Variants in CHORDC1 observed in about 807,000 individuals in gnomAD.
The protein encoded by CHORDC1 is cysteine and histidine rich domain containing 1, also known as cysteine and histidine-rich domain-containing protein 1.
CHORDC1 carries 25 observed loss-of-function variants against 48.3 expected under a neutral mutation model. That is an observed-to-expected ratio of 0.52 (90% CI 0.38 to 0.72). The LOEUF is 0.72. Ranked by LOEUF, CHORDC1 falls within the 30% of genes least tolerant of loss-of-function variation. The probability of loss-of-function intolerance (pLI) is 0.00; values close to 1 mark genes in which losing one functional copy is unlikely to be tolerated. For missense variants in CHORDC1, 317 were observed against 388.7 expected, an observed-to-expected ratio of 0.82 and a Z score of 1.55; for synonymous variants, 128 against 126.4, an observed-to-expected ratio of 1.01 and a Z score of -0.09.
chr11:90,215,703 T>C (rs10765278), intron 2 of CHORDC1, among the ~76,000 whole-genome samples: 70,799 of 151,788 alleles, frequency 0.47, 17,118 homozygotes, highest in East Asian at 0.61. Context: ...ACACAGCAGC[T>C]AAAGCACTAT....
chr11:90,205,428 C>A (rs773703809), intron 8 of CHORDC1, 32 bp downstream of exon 8: 1 of 1,145,590 alleles, frequency 8.7e-7, no homozygotes, highest in South Asian at 1.3e-5. Context: ...TGAATATAAA[C>A]CCAGTGTGCT....
chr11:90,215,410 T>TA (rs1857983075), intron 2 of CHORDC1, among the ~76,000 whole-genome samples, 180 bp from the exon 3 acceptor site: 1 of 152,062 alleles, frequency 6.6e-6, no homozygotes, highest in South Asian at 2.1e-4. Context: ...CTTTGATTTT[T>TA]AAAAAGCCAA....
At chr11:90,216,719 A>G (rs1858021802) in intron 2 of CHORDC1, among the ~76,000 whole-genome samples, 1 of 152,206 alleles carries the variant, frequency 6.6e-6, no homozygotes, top group Admixed American at 6.5e-5. Flanking sequence ...CAGTAGTATC[A>G]TTACTAGGAG....
At chr11:90,218,771 C>A (rs1858082924) in intron 1 of CHORDC1, among the ~76,000 whole-genome samples, 1 of 151,954 alleles carries the variant, frequency 6.6e-6, no homozygotes, top group Non-Finnish European at 1.5e-5. Flanking sequence ...AGGAGCTCCT[C>A]TGCCCTGCCC....
Position 90,201,729 on chromosome 11 carries a change from G to T in CHORDC1, c.*676C>A, listed in dbSNP as rs967009430. The T allele has an allele frequency of 6.6e-6, 1 of 152,292 alleles. No individual in the cohort carries two copies. The allele number at this position is 152,292 out of a possible 1,614,324, so 9.4% of individuals were successfully genotyped here. ...AGATTATTGCTTAGTCTTATAAAATGGTGAATTTTAACCAAATTGATACCT... is the reference window on the plus strand; with the variant it reads ...AGATTATTGCTTAGTCTTATAAAATTGTGAATTTTAACCAAATTGATACCT... On this transcript the variant is annotated 3_prime_UTR_variant, in exon 11 of 11. Coordinates refer to ENST00000320585, the MANE Select transcript of CHORDC1 (RefSeq NM_012124.3).
chr11:90,205,419 G>T (rs769540898), intron 8 of CHORDC1, 41 bp downstream of exon 8: 1 of 1,105,746 alleles, frequency 9.0e-7, no homozygotes, highest in South Asian at 1.4e-5. Flanking sequence ...TGACTCAGAT[G>T]AATATAAACC....
At chr11:90,205,377 T>C in intron 8 of CHORDC1, 83 bp downstream of exon 8, 2 of 932,448 alleles carry the variant, frequency 2.1e-6, no homozygotes, top group Non-Finnish European at 3.4e-6. Context: ...TTTTAAAATC[T>C]AAAGACAGAA....
intron 6 of CHORDC1, chr11:90,206,582 A>G (rs1857698246): frequency 2.8e-6 from 1 of 354,090 alleles, no homozygotes; most frequent in Admixed American, 4.2e-5. Context: ...TGTTGAAACC[A>G]AGGGATTAAT....
Position 90,203,320 on chromosome 11 carries a change from T to G in CHORDC1, c.777A>C (p.Ala259=). 4 of 1,593,690 alleles carry G rather than the reference T, an allele frequency of 2.5e-6. No individual in the cohort carries two copies. The highest frequency in any genetic ancestry group is 3.4e-6 in the Non-Finnish European group (4 of 1,166,310). The change falls in exon 9 of 11, where the codon GCA becomes GCC. Residue 259 remains alanine (A), a synonymous_variant. Coordinates refer to ENST00000320585, the MANE Select transcript of CHORDC1 (RefSeq NM_012124.3). ...AAGATGTACTTACCAATGTGCTATT[T>G]GCTTCTACTCGGCTAAGTTCTGGAA... ...NSLPELSRVE[A]NSTLLNVHIV...
chr11:90,204,896 C>T (rs1857633849), intron 8 of CHORDC1, among the ~76,000 whole-genome samples: 1 of 151,824 alleles, frequency 6.6e-6, no homozygotes, highest in Non-Finnish European at 1.5e-5. Context: ...TTTGCATAGC[C>T]CCCAAGTCTT....
intron 1 of CHORDC1, among the ~76,000 whole-genome samples, chr11:90,221,559 G>A (rs187108466): frequency 8.0e-4 from 122 of 152,194 alleles, no homozygotes; most frequent in African/African-American, 2.8e-3. Flanking sequence ...TCTTTCCCCT[G>A]TATTCTATAT....
intron 6 of CHORDC1, chr11:90,207,635 G>C (rs903263614): frequency 6.6e-6 from 1 of 151,614 alleles, no homozygotes; most frequent in Non-Finnish European, 1.5e-5. Context: ...ATAGGTAAAA[G>C]ATTCTGCACA....
At chr11:90,211,615 T>A (rs139407116) in intron 4 of CHORDC1, 7 of 258,128 alleles carry the variant, frequency 2.7e-5, no homozygotes, top group African/African-American at 1.6e-4. Context: ...GAATCCAAGG[T>A]TTTCAAGATG....
At chr11:90,207,779 C>CAAAA (rs1231587858) in intron 6 of CHORDC1, 1 of 91,302 alleles carries the variant, frequency 1.1e-5, no homozygotes, top group Admixed American at 1.3e-4. Flanking sequence ...AAAAAAAAAA[C>CAAAA]AAAAAAAACT....
At position 90,202,969 on chromosome 11, in the gene CHORDC1, T is replaced by G. The variant is rs1857578924; in HGVS notation, c.790-94A>C. On this transcript the variant is annotated intron_variant, in intron 9 of 10. Coordinates refer to ENST00000320585, the MANE Select transcript of CHORDC1 (RefSeq NM_012124.3). ...TAAAAATAAGACTGACAAAAATGAA[T>G]TAAGCTATTTTAAGAAACTGCCAAT... 14 of 1,370,274 alleles carry G rather than the reference T, an allele frequency of 1.0e-5. No individual in the cohort carries two copies. In the South Asian group the frequency reaches 2.2e-4, roughly 21 times the overall value. The allele number at this position is 1,370,274 out of a possible 1,614,324, so 84.9% of individuals were successfully genotyped here.
At chr11:90,213,535 A>C (rs1050591322) in intron 4 of CHORDC1, 36 of 565,752 alleles carry the variant, frequency 6.4e-5, no homozygotes, top group Admixed American at 9.3e-5. Context: ...CGCTTTTTTA[A>C]GACTACTTTC....
At chr11:90,209,994 G>GGGAA (rs1857815842) in intron 6 of CHORDC1, among the ~76,000 whole-genome samples, 1 of 152,136 alleles carries the variant, frequency 6.6e-6, no homozygotes, top group Non-Finnish European at 1.5e-5. Context: ...AAGCTCCACA[G>GGGAA]ACCTTGTTAT....
intron 6 of CHORDC1, 50 bp downstream of exon 6, chr11:90,210,486 C>CA: frequency 7.9e-7 from 1 of 1,263,770 alleles, no homozygotes. Flanking sequence ...GCACTTTCCT[C>CA]AAAATTAAAA....
chr11:90,208,942 C>T (rs1463163703), intron 6 of CHORDC1: 1 of 152,166 alleles, frequency 6.6e-6, no homozygotes, highest in African/African-American at 2.4e-5. Context: ...CTCTATTAAT[C>T]TCAATTCCAC....
Sources: allele counts gnomAD v4.1 joint callset (sites outside exome capture counted in the v4.1 genomes callset), GRCh38; gene constraint gnomAD v4.1.1; transcripts MANE v1.5; gene names NCBI Gene and HGNC (gene_info 2026-07-23, HGNC 2026-07-21).